The following PARD3B variants were observed in gnomAD, a reference collection of about 807,000 sequenced individuals.
The protein encoded by PARD3B is par-3 family cell polarity regulator beta.
Under a neutral mutation model 130.2 loss-of-function variants are expected in PARD3B, and 103 were observed. The observed-to-expected ratio is 0.79, with a 90% CI of 0.67 to 0.93. The LOEUF (loss-of-function observed/expected upper bound fraction) is 0.93, where lower values mean the gene tolerates loss of function less well. PARD3B is among the 40% of genes least tolerant of loss of function. The probability of loss-of-function intolerance (pLI) is 0.00; values close to 1 mark genes in which losing one functional copy is unlikely to be tolerated. For synonymous variants in PARD3B, 583 were observed against 553.2 expected, an observed-to-expected ratio of 1.05 and a Z score of -0.76; for missense variants, 1,609 against 1,499.2, an observed-to-expected ratio of 1.07 and a Z score of -1.21.
chr2:205,266,296 A>G (rs553688417), intron 16 of PARD3B, among the ~76,000 whole-genome samples: 12 of 152,286 alleles, frequency 7.9e-5, no homozygotes, highest in African/African-American at 2.4e-4. Context: ...AAGTAAAGTG[A>G]ACATTATTTT....
At chr2:204,714,354 C>T (rs2038613981) in intron 2 of PARD3B, among the ~76,000 whole-genome samples, 1 of 152,170 alleles carries the variant, frequency 6.6e-6, no homozygotes, top group Non-Finnish European at 1.5e-5. Flanking sequence ...TCCAAACTCT[C>T]TTAAATATCA....
chr2:204,601,178 A>T (rs531885733), intron 1 of PARD3B, among the ~76,000 whole-genome samples: 1 of 151,944 alleles, frequency 6.6e-6, no homozygotes, highest in Non-Finnish European at 1.5e-5. Context: ...TTCAGATTCA[A>T]TTTGTAATAG....
At chr2:204,576,008 T>C (rs1272961441) in intron 1 of PARD3B, among the ~76,000 whole-genome samples, 2 of 152,166 alleles carry the variant, frequency 1.3e-5, no homozygotes, top group African/African-American at 4.8e-5. Context: ...CTCTGTATTG[T>C]AAGGTTTTCA....
At chr2:205,103,076 A>T (rs967077478) in intron 4 of PARD3B, among the ~76,000 whole-genome samples, 68 of 127,396 alleles carry the variant, frequency 5.3e-4, no homozygotes, top group Non-Finnish European at 1.1e-3. Flanking sequence ...AAAAATAAAA[A>T]TATATATTTT....
chr2:205,023,605 C>T (rs1205234430), intron 3 of PARD3B, among the ~76,000 whole-genome samples: 1 of 141,894 alleles, frequency 7.0e-6, no homozygotes, highest in African/African-American at 2.6e-5. Flanking sequence ...TCGCAGTTCC[C>T]AAGGACCCTA....
At chr2:205,560,858 T>G (rs1002666052) in intron 22 of PARD3B, among the ~76,000 whole-genome samples, 1 of 152,232 alleles carries the variant, frequency 6.6e-6, no homozygotes, top group Non-Finnish European at 1.5e-5. Flanking sequence ...GCTTGCTTCC[T>G]AGGAACCCAT....
At chr2:204,665,023 T>A (rs981650568) in intron 1 of PARD3B, among the ~76,000 whole-genome samples, 1 of 152,160 alleles carries the variant, frequency 6.6e-6, no homozygotes, top group Non-Finnish European at 1.5e-5. Context: ...TGTACTGATT[T>A]AGGAATGTTA....
At chr2:205,426,088 G>A (rs1355423860) in intron 19 of PARD3B, among the ~76,000 whole-genome samples, 1 of 152,072 alleles carries the variant, frequency 6.6e-6, no homozygotes, top group East Asian at 1.9e-4. Flanking sequence ...CAAGAAAAAT[G>A]GGCGGTACTG....
chr2:205,211,331 A>T (rs553453439), intron 15 of PARD3B, among the ~76,000 whole-genome samples: 2 of 152,026 alleles, frequency 1.3e-5, no homozygotes, highest in Non-Finnish European at 2.9e-5. Flanking sequence ...CAATAGATGT[A>T]TGGATGCGAA....
chr2:205,504,733 G>A (rs1292534073), intron 21 of PARD3B, among the ~76,000 whole-genome samples: 3 of 152,166 alleles, frequency 2.0e-5, no homozygotes, highest in Admixed American at 6.5e-5. Context: ...TAAAAAGTCA[G>A]GAAACAACAG....
At chr2:205,383,453 G>A (rs1317084246) in intron 18 of PARD3B, among the ~76,000 whole-genome samples, 1 of 151,756 alleles carries the variant, frequency 6.6e-6, no homozygotes. Context: ...TTAGCTTTGT[G>A]GTATTTTCTC....
rs1487613603 is a variant in PARD3B, at chr2:205,458,104, G to A, written c.3044+17432G>A. 6.6e-6 allele frequency among the ~76,000 whole-genome samples: 1 copy of A among 152,054 alleles called. No individual in the cohort carries two copies. Among genetic ancestry groups the A allele is most frequent in the Non-Finnish European group, 1.5e-5 (1 of 68,006 alleles). ...TGTCTTGGTTTTCAGCAGTTTTACT[G>A]TGATGTGTCTGTGAGCGTGTGTTGG... On this transcript the variant is annotated intron_variant, in intron 20 of 22. Coordinates refer to ENST00000406610, the MANE Select transcript of PARD3B (RefSeq NM_001302769.2). This position sits in a 1 kb window ranked among gnomAD's most constrained non-coding sequence, Gnocchi z 4.8.
chr2:205,412,312 CA>C (rs1234480508), intron 19 of PARD3B, among the ~76,000 whole-genome samples: 1 of 152,078 alleles, frequency 6.6e-6, no homozygotes, highest in Non-Finnish European at 1.5e-5. Flanking sequence ...GGGCTGTGCA[CA>C]GAAGTGGCAC....
chr2:205,107,647 C>T (rs912650160), intron 5 of PARD3B, among the ~76,000 whole-genome samples: 1 of 152,184 alleles, frequency 6.6e-6, no homozygotes, highest in Non-Finnish European at 1.5e-5. Context: ...GACATATTTG[C>T]TAAGTGAATG....
chr2:205,113,450 T>C (rs367543922), intron 5 of PARD3B, 41 bp from the exon 6 acceptor site: 148 of 1,444,954 alleles, frequency 1.0e-4, no homozygotes, highest in Non-Finnish European at 1.4e-4. Context: ...CTCTGTTTTT[T>C]AGCAGACACT....
At chr2:204,624,471 A>G (rs2034415616) in intron 1 of PARD3B, among the ~76,000 whole-genome samples, 1 of 152,202 alleles carries the variant, frequency 6.6e-6, no homozygotes, top group African/African-American at 2.4e-5. Flanking sequence ...CTGGGTACCT[A>G]TACAAAAGAA....
intron 2 of PARD3B, among the ~76,000 whole-genome samples, chr2:204,795,863 C>T (rs190170652): frequency 9.9e-5 from 15 of 152,150 alleles, no homozygotes; most frequent in Admixed American, 3.3e-4. Flanking sequence ...CCTTAAAATT[C>T]CCTTATTTTA....
intron 18 of PARD3B, among the ~76,000 whole-genome samples, chr2:205,338,174 A>C (rs963503122): frequency 1.3e-5 from 2 of 151,388 alleles, no homozygotes; most frequent in South Asian, 2.1e-4. Context: ...AAAAAAAAAA[A>C]AAAAGGCTTC....
intron 3 of PARD3B, among the ~76,000 whole-genome samples, chr2:204,996,591 A>T (rs1232640773): frequency 6.6e-6 from 1 of 151,170 alleles, no homozygotes; most frequent in Non-Finnish European, 1.5e-5. Context: ...GGCCTCCTTG[A>T]GTTGTGGTGG....
Sources: allele counts gnomAD v4.1 joint callset (sites outside exome capture counted in the v4.1 genomes callset), GRCh38; gene constraint gnomAD v4.1.1; non-coding constraint Gnocchi (gnomAD v3.1); transcripts MANE v1.5; gene names NCBI Gene and HGNC (gene_info 2026-07-23, HGNC 2026-07-21).